The following EBF4 variants were observed in gnomAD, a reference collection of about 807,000 sequenced individuals.
EBF4 encodes transcription factor COE4.
EBF4 carries 34 observed loss-of-function variants against 67.1 expected under a neutral mutation model. That is an observed-to-expected ratio of 0.51 (90% CI 0.39 to 0.67). The LOEUF is 0.67. Among genes scored for constraint, EBF4 ranks in the 30% least tolerant of loss-of-function variants. EBF4 has a pLI of 0.00. For missense variants in EBF4, 837 were observed against 873.3 expected (o/e 0.96, Z 0.52); for synonymous variants, 387 against 377.7 (o/e 1.02, Z -0.29).
intron 5 of EBF4, 98 bp from the exon 6 acceptor site, chr20:2,709,476 A>AGCACCCT (rs2087509171): frequency 8.6e-7 from 1 of 1,162,622 alleles, no homozygotes; most frequent in Non-Finnish European, 1.2e-6. Flanking sequence ...ACAGGACATC[A>AGCACCCT]GCACCCTCAG....
chr20:2,758,792 G>A, intron 15 of EBF4, 117 bp from the exon 16 acceptor site: 1 of 885,170 alleles, frequency 1.1e-6, no homozygotes, highest in Admixed American at 2.0e-5. Flanking sequence ...AGGGATGGCT[G>A]ACTGCCTTCA....
chr20:2,758,754 A>T, intron 15 of EBF4, 155 bp from the exon 16 acceptor site: 1 of 675,244 alleles, frequency 1.5e-6, no homozygotes, highest in Non-Finnish European at 2.6e-6. Flanking sequence ...CCTCACCCCG[A>T]TCTGCAGTGC....
exon 3 of EBF4, chr20:2,705,991 G>A: frequency 1.3e-6 from 2 of 1,551,550 alleles, no homozygotes; most frequent in South Asian, 1.2e-5. Flanking sequence ...GGGCGGAAAA[G>A]ACTAACAATG....
At position 2,751,504 on chromosome 20, in the gene EBF4, G is replaced by T. The variant is rs986249204; in HGVS notation, c.1019-196G>T. On this transcript the variant is annotated intron_variant, in intron 10 of 16. Coordinates refer to ENST00000609451, the Ensembl canonical transcript of EBF4. The surrounding 1 kb of genome is among the most constrained non-coding windows in gnomAD (Gnocchi z 5.2). Reference sequence around the variant, plus strand: ...GTAAATATTTGTTGAGTAAACAAACGAAAGAACTGAAACTTCCCTGAATCT... The same window carrying T: ...GTAAATATTTGTTGAGTAAACAAACTAAAGAACTGAAACTTCCCTGAATCT... Among the ~76,000 whole-genome samples the T allele has an allele frequency of 6.6e-6, 1 of 152,174 alleles. No homozygotes were observed. The highest frequency in any genetic ancestry group is 1.5e-5 in the Non-Finnish European group (1 of 68,026).
At chr20:2,749,965 T>C in exon 10 of EBF4, 1 of 1,550,442 alleles carries the variant, frequency 6.4e-7, no homozygotes, top group Non-Finnish European at 8.7e-7. Context: ...GGCCGCTTTG[T>C]CTACACAGGT....
Position 2,751,576 on chromosome 20 carries a change from TG to T in EBF4, c.1019-122del. Reference sequence around the variant, plus strand: ...TTTTCCGGGGGACTTGGGCTGGGCCTGGTGGAGGGGGCTGCAGCGAGGCTCT... The same window carrying T: ...TTTTCCGGGGGACTTGGGCTGGGCCTGTGGAGGGGGCTGCAGCGAGGCTCT... On this transcript the variant is annotated intron_variant, in intron 10 of 16. Transcript: ENST00000609451. This position sits in a 1 kb window ranked among gnomAD's most constrained non-coding sequence, Gnocchi z 5.2. 1.0e-6 allele frequency: 1 copy of T among 955,502 alleles called. No individual in the cohort carries two copies. The highest frequency in any genetic ancestry group is 1.6e-6 in the Non-Finnish European group (1 of 630,668). 59.2% of individuals were successfully genotyped at this position (955,502 alleles called of 1,614,324 possible).
intron 1 of EBF4, among the ~76,000 whole-genome samples, chr20:2,700,747 C>A (rs2087362986): frequency 7.1e-6 from 1 of 139,868 alleles, no homozygotes; most frequent in African/African-American, 2.7e-5. Flanking sequence ...TCTCCCCTTC[C>A]CCTTCCCCAG....
At chr20:2,727,708 T>A (rs1035172720) in intron 6 of EBF4, among the ~76,000 whole-genome samples, 6 of 152,234 alleles carry the variant, frequency 3.9e-5, no homozygotes, top group Non-Finnish European at 7.3e-5. Flanking sequence ...AGTTTCCAGT[T>A]TCCCCACATC....
rs567887068 is a variant in EBF4 at position 2,706,275 on chromosome 20, G to A, written c.414+11G>A. The A allele has an allele frequency of 2.3e-5, 35 of 1,551,778 alleles. No homozygotes were observed. In the East Asian group the frequency reaches 2.4e-4, roughly 11 times the overall value. The stretch of plus-strand genomic sequence containing the variant: ...TCCATGTCCAAACAGGTGAGTCAGC[G>A]CAGAGGGTGCTGAGGCCCATCTCAC... On this transcript the variant is annotated intron_variant, in intron 4 of 16. Coordinates refer to ENST00000609451, the Ensembl canonical transcript of EBF4.
intron 10 of EBF4, 55 bp downstream of exon 10, chr20:2,750,028 C>T: frequency 6.7e-7 from 1 of 1,500,552 alleles, no homozygotes; most frequent in Non-Finnish European, 8.9e-7. Context: ...GAGCCCCACC[C>T]TGCGCACTGG....
intron 10 of EBF4, among the ~76,000 whole-genome samples, chr20:2,750,204 T>C (rs547464135): frequency 2.6e-5 from 4 of 152,152 alleles, no homozygotes; most frequent in Non-Finnish European, 5.9e-5. Context: ...CCTTAGTCCC[T>C]TCCCCGGGGC....
chr20:2,737,105 C>T (rs1167208744), intron 6 of EBF4, among the ~76,000 whole-genome samples: 3 of 150,922 alleles, frequency 2.0e-5, no homozygotes, highest in Non-Finnish European at 4.4e-5. Flanking sequence ...AAAAAATTAG[C>T]CGGGCGTGGT....
At chr20:2,738,756 A>G (rs1050750818) in intron 6 of EBF4, among the ~76,000 whole-genome samples, 2 of 152,156 alleles carry the variant, frequency 1.3e-5, no homozygotes, top group African/African-American at 4.8e-5. Context: ...TGCCCTATCA[A>G]CATGTTAATC....
chr20:2,717,306 A>C (rs988566512), intron 6 of EBF4, among the ~76,000 whole-genome samples: 1 of 152,222 alleles, frequency 6.6e-6, no homozygotes, highest in Non-Finnish European at 1.5e-5. Flanking sequence ...GACAAAAAAA[A>C]CCTGTTCTCC....
chr20:2,751,039 G>A lies in EBF4; in HGVS notation c.1019-661G>A, dbSNP rs906881210. Among the ~76,000 whole-genome samples, 8 of 152,012 alleles carry A rather than the reference G, an allele frequency of 5.3e-5. No homozygotes were observed. The highest frequency in any genetic ancestry group is 1.9e-4 in the African/African-American group (8 of 41,368). ...GCGGGGATCAGGAAAAGGGGAAGGA[G>A]GAGGAGAAGGGCGTGGGGAGCTGGG... On this transcript the variant is annotated intron_variant, in intron 10 of 16. Coordinates refer to ENST00000609451, the Ensembl canonical transcript of EBF4. The surrounding 1 kb of genome is among the most constrained non-coding windows in gnomAD (Gnocchi z 5.2).
At chr20:2,752,249 C>A in exon 13 of EBF4, 1 of 1,287,150 alleles carries the variant, frequency 7.8e-7, no homozygotes, top group South Asian at 2.5e-5. Context: ...GACGCCACCC[C>A]GGGGCCCGAG....
chr20:2,748,942 A>T (rs2088095319), intron 7 of EBF4, among the ~76,000 whole-genome samples: 1 of 152,196 alleles, frequency 6.6e-6, no homozygotes. Context: ...CCCTTAGCAC[A>T]TCCCCAAGCT....
At position 2,742,591 on chromosome 20, in the gene EBF4, A is replaced by G. The variant is rs538644952; in HGVS notation, c.558-5958A>G. 4.3e-4 allele frequency among the ~76,000 whole-genome samples: 65 copies of G among 152,280 alleles called. 1 individual carries two copies. The South Asian group carries it at 6.8e-3, about 16-fold the overall frequency. ...CATGCCCTCCAAGAGCCTCATGGCC[A>G]CAGTGGGATGGCACTGGGCACTGGT... On this transcript the variant is annotated intron_variant, in intron 6 of 16. Coordinates refer to ENST00000609451, the Ensembl canonical transcript of EBF4.
At chr20:2,723,762 G>C (rs925642745) in intron 6 of EBF4, among the ~76,000 whole-genome samples, 1 of 145,896 alleles carries the variant, frequency 6.9e-6, no homozygotes, top group African/African-American at 2.8e-5. Context: ...AATTTTATTG[G>C]TGTATAGGTG....
Sources: gnomAD v4.1 joint callset for allele counts (sites outside exome capture counted in the v4.1 genomes callset) on GRCh38, gnomAD v4.1.1 for gene constraint, Gnocchi (gnomAD v3.1) non-coding constraint, MANE v1.5 for transcripts, NCBI Gene and HGNC (gene_info 2026-07-23, HGNC 2026-07-21) for gene names.